Variants in DENND4C observed in about 807,000 individuals in gnomAD.
DENND4C encodes the protein DENN domain-containing protein 4C.
In DENND4C, 108 loss-of-function variants were observed where a neutral mutation model predicts 203.0. The ratio of observed to expected loss-of-function variants is 0.53; its 90% CI spans 0.46 to 0.62. DENND4C has a LOEUF of 0.62. Among genes scored for constraint, DENND4C ranks in the 20% least tolerant of loss-of-function variants. DENND4C has a pLI of 0.00. For synonymous variants in DENND4C, 871 were observed against 792.4 expected (o/e 1.10, Z -1.67); for missense variants, 2,481 against 2,301.2 (o/e 1.08, Z -1.60).
chr9:19,347,510 GTCT>G (rs1209754669), intron 23 of DENND4C, among the ~76,000 whole-genome samples: 5 of 152,168 alleles, frequency 3.3e-5, no homozygotes, highest in African/African-American at 1.2e-4. Flanking sequence ...ATTTTGTGTA[GTCT>G]ATCTGATATG....
chr9:19,295,611 A>G (rs1035881948), intron 5 of DENND4C, among the ~76,000 whole-genome samples: 3 of 150,192 alleles, frequency 2.0e-5, no homozygotes, highest in Non-Finnish European at 4.4e-5. Flanking sequence ...CGGAGGTTGC[A>G]GTGAGCTGAG....
At chr9:19,341,333 G>GGC (rs1310984259) in intron 21 of DENND4C, among the ~76,000 whole-genome samples, 1 of 138,688 alleles carries the variant, frequency 7.2e-6, no homozygotes, top group Non-Finnish European at 1.5e-5. Flanking sequence ...TTTTTTTTGA[G>GGC]GCAGGGTCTT....
rs189733733 is a variant in DENND4C, at chr9:19,245,755, C to T, written c.-18+14922C>T. Among the ~76,000 whole-genome samples the T allele has an allele frequency of 2.6e-5, 4 of 151,950 alleles. No homozygotes were observed. In the East Asian group the frequency reaches 5.8e-4, roughly 22 times the overall value. On this transcript the variant is annotated intron_variant, in intron 1 of 32. Coordinates refer to ENST00000434457, the MANE Select transcript of DENND4C (RefSeq NM_001330640.2). ...CTTGTAATCCCAGCTACTCAGAAGG[C>T]TGAGGCGGGAGAATCGCTTGAACCC...
At chr9:19,268,719 A>G (rs1831018946) in intron 1 of DENND4C, among the ~76,000 whole-genome samples, 1 of 150,934 alleles carries the variant, frequency 6.6e-6, no homozygotes, top group South Asian at 2.1e-4. Flanking sequence ...AATACAGGAT[A>G]AAAGTTTTGT....
intron 12 of DENND4C, among the ~76,000 whole-genome samples, chr9:19,320,486 A>G (rs1842704774): frequency 6.6e-6 from 1 of 152,258 alleles, no homozygotes; most frequent in African/African-American, 2.4e-5. Context: ...GGCGTGAGCC[A>G]CTGCGCTCGG....
At chr9:19,326,289 AT>A in intron 15 of DENND4C, 95 bp downstream of exon 15, 1 of 1,309,234 alleles carries the variant, frequency 7.6e-7, no homozygotes, top group Non-Finnish European at 1.0e-6. Flanking sequence ...TGTGAAACTC[AT>A]TTTCAGTATT....
chr9:19,339,732 A>G (rs1369764280), intron 20 of DENND4C, among the ~76,000 whole-genome samples: 1 of 152,230 alleles, frequency 6.6e-6, no homozygotes, highest in African/African-American at 2.4e-5. Context: ...TTTGGCATCC[A>G]TTGATGATGC....
intron 2 of DENND4C, among the ~76,000 whole-genome samples, chr9:19,283,205 G>T (rs946786516): frequency 6.6e-6 from 1 of 151,646 alleles, no homozygotes; most frequent in Non-Finnish European, 1.5e-5. Flanking sequence ...TAAAATTTAA[G>T]ACAAAAAGAC....
At chr9:19,275,118 C>G (rs1043040602) in intron 1 of DENND4C, among the ~76,000 whole-genome samples, 18 of 148,872 alleles carry the variant, frequency 1.2e-4, no homozygotes, top group African/African-American at 4.5e-4. Flanking sequence ...GCTGGGATTA[C>G]AGGTGCCCAC....
chr9:19,290,646 T>C lies in DENND4C; in HGVS notation c.629-58T>C, dbSNP rs899008487. On this transcript the variant is annotated intron_variant, in intron 4 of 32. Transcript: ENST00000434457. The stretch of plus-strand genomic sequence containing the variant: ...AAATATTCCATTAATACCTATCATA[T>C]GCAATTTATGGAAAAGTAACTATTT... 16 of 1,187,776 alleles carry C rather than the reference T, an allele frequency of 1.3e-5. No individual in the cohort carries two copies. The African/African-American group carries it at 1.4e-4, about 10-fold the overall frequency. 73.6% of individuals were successfully genotyped at this position (1,187,776 alleles called of 1,614,324 possible).
At chr9:19,342,539 G>C (rs1821891566) in intron 21 of DENND4C, 94 bp from the exon 22 acceptor site, 2 of 1,324,062 alleles carry the variant, frequency 1.5e-6, no homozygotes, top group African/African-American at 1.5e-5. Context: ...CTGACTGTTG[G>C]AGAAAAATAC....
intron 30 of DENND4C, 95 bp downstream of exon 30, chr9:19,362,058 G>A: frequency 3.0e-6 from 2 of 660,496 alleles, no homozygotes; most frequent in Non-Finnish European, 5.2e-6. Flanking sequence ...CGGACCACTT[G>A]AGGTCAGGAG....
chr9:19,319,528 T>G (rs1228523742), intron 12 of DENND4C, among the ~76,000 whole-genome samples: 1 of 150,192 alleles, frequency 6.7e-6, no homozygotes, highest in Non-Finnish European at 1.5e-5. Context: ...GATGGTACAA[T>G]TTGACCAGAG....
intron 23 of DENND4C, 22 bp from the exon 24 acceptor site, chr9:19,350,679 GA>G: frequency 6.3e-7 from 1 of 1,588,916 alleles, no homozygotes; most frequent in Non-Finnish European, 8.6e-7. Flanking sequence ...TATGTATGTG[GA>G]ATTTTTTTTT....
chr9:19,289,910 T>C lies in DENND4C; in HGVS notation c.629-794T>C, dbSNP rs147446618. ...TGATGTCCTTTTTTTGTTGTTGTTG[T>C]TGTTTTTGGTGGAGAAAAGATATCA... On this transcript the variant is annotated intron_variant, in intron 4 of 32. Transcript: ENST00000434457. Among the ~76,000 whole-genome samples the C allele has an allele frequency of 3.1e-3, 478 of 152,262 alleles. 3 individuals carry two copies. Among genetic ancestry groups the C allele is most frequent in the Non-Finnish European group, 4.1e-3 (278 of 68,012 alleles).
chr9:19,279,718 G>A (rs1026378136), intron 2 of DENND4C, among the ~76,000 whole-genome samples: 57 of 151,712 alleles, frequency 3.8e-4, no homozygotes, highest in Non-Finnish European at 1.8e-4. Flanking sequence ...GTGGTGGCAT[G>A]CACATGTAGT....
intron 1 of DENND4C, among the ~76,000 whole-genome samples, chr9:19,273,503 G>T (rs1034327186): frequency 6.6e-6 from 1 of 151,920 alleles, no homozygotes; most frequent in African/African-American, 2.4e-5. Context: ...AACACAAGCC[G>T]CAGACTGGGA....
intron 31 of DENND4C, 55 bp downstream of exon 31, chr9:19,370,042 A>C (rs762422291): frequency 6.3e-7 from 1 of 1,588,346 alleles, no homozygotes; most frequent in South Asian, 1.1e-5. Flanking sequence ...TGTTTTTAAA[A>C]AAATATCTTA....
At chr9:19,319,349 TA>T (rs1842425043) in intron 12 of DENND4C, among the ~76,000 whole-genome samples, 4 of 51,878 alleles carry the variant, frequency 7.7e-5, no homozygotes, top group African/African-American at 2.2e-4. Context: ...CATATATATA[TA>T]CTTATATATA....
Sources: allele counts gnomAD v4.1 joint callset (sites outside exome capture counted in the v4.1 genomes callset), GRCh38; gene constraint gnomAD v4.1.1; transcripts MANE v1.5; gene names NCBI Gene and HGNC (gene_info 2026-07-23, HGNC 2026-07-21).